CWC22: variants seen among roughly 807,000 people sequenced by gnomAD.
The protein encoded by CWC22 is pre-mRNA-splicing factor CWC22 homolog.
Under a neutral mutation model 117.2 loss-of-function variants are expected in CWC22, and 53 were observed. The ratio of observed to expected loss-of-function variants is 0.45; its 90% CI spans 0.36 to 0.57. The LOEUF (loss-of-function observed/expected upper bound fraction) is 0.57. CWC22 is among the 20% of genes least tolerant of loss of function. The probability of loss-of-function intolerance (pLI) is 0.00; values close to 1 mark genes in which losing one functional copy is unlikely to be tolerated. For missense variants in CWC22, 980 were observed against 1,068.8 expected (o/e 0.92, Z 1.16); for synonymous variants, 360 against 355.6 (o/e 1.01, Z -0.14).
At chr2:179,952,706 C>T in intron 16 of CWC22, 108 bp from the exon 17 acceptor site, 1 of 530,172 alleles carries the variant, frequency 1.9e-6, no homozygotes, top group Non-Finnish European at 3.0e-6. Flanking sequence ...TATTTATTCC[C>T]ATCTTCAACC....
At chr2:179,955,646 T>C (rs1426881653) in intron 14 of CWC22, among the ~76,000 whole-genome samples, 1 of 152,002 alleles carries the variant, frequency 6.6e-6, no homozygotes. Flanking sequence ...TACAAATAAA[T>C]GGAATCATTC....
At chr2:179,977,520 G>C (rs1385402400) in intron 6 of CWC22, among the ~76,000 whole-genome samples, 1 of 152,088 alleles carries the variant, frequency 6.6e-6, no homozygotes, top group Non-Finnish European at 1.5e-5. Context: ...AAAAAAAACT[G>C]AACTCATAGA....
chr2:179,962,927 A>G (rs1215889916), intron 13 of CWC22, among the ~76,000 whole-genome samples: 3 of 152,134 alleles, frequency 2.0e-5, no homozygotes, highest in East Asian at 1.9e-4. Context: ...TTATGTGTCA[A>G]TTATAAATAA....
intron 17 of CWC22, among the ~76,000 whole-genome samples, chr2:179,951,771 G>T (rs1377306919): frequency 2.0e-5 from 3 of 152,232 alleles, no homozygotes; most frequent in African/African-American, 7.2e-5. Context: ...ATAGTCCAGA[G>T]ACAGTGTGTG....
At chr2:179,983,944 C>T (rs758985599) in intron 4 of CWC22, among the ~76,000 whole-genome samples, 5 of 152,008 alleles carry the variant, frequency 3.3e-5, no homozygotes, top group Non-Finnish European at 5.9e-5. Flanking sequence ...AAATCAGATC[C>T]CTACCATTAT....
chr2:180,000,871 GAA>G (rs1049910293), intron 1 of CWC22, among the ~76,000 whole-genome samples: 2 of 151,462 alleles, frequency 1.3e-5, no homozygotes, highest in Non-Finnish European at 2.9e-5. Flanking sequence ...TATCTATACT[GAA>G]AACCTCACAT....
At chr2:179,948,404 A>T (rs201460181) in intron 19 of CWC22, among the ~76,000 whole-genome samples, 1 of 105,756 alleles carries the variant, frequency 9.5e-6, no homozygotes, top group African/African-American at 3.4e-5. Context: ...GTGATTTTTT[A>T]ACCATCCAAA....
intron 19 of CWC22, among the ~76,000 whole-genome samples, chr2:179,948,996 T>C (rs1287507579): frequency 1.3e-5 from 2 of 152,226 alleles, no homozygotes; most frequent in Non-Finnish European, 2.9e-5. Flanking sequence ...TTCTCTGTAC[T>C]GTTTTTGCAA....
intron 5 of CWC22, among the ~76,000 whole-genome samples, chr2:179,981,539 T>C (rs1484631336): frequency 6.6e-6 from 1 of 152,034 alleles, no homozygotes; most frequent in Non-Finnish European, 1.5e-5. Flanking sequence ...AATTCATTCA[T>C]GCAAAAAAAA....
At chr2:179,979,819 T>C (rs1260422788) in intron 5 of CWC22, among the ~76,000 whole-genome samples, 6 of 152,158 alleles carry the variant, frequency 3.9e-5, no homozygotes, top group Non-Finnish European at 7.4e-5. Flanking sequence ...AATAAGATGT[T>C]GCTCATATAC....
At chr2:179,992,528 T>G (rs1194147606) in intron 2 of CWC22, among the ~76,000 whole-genome samples, 1 of 152,172 alleles carries the variant, frequency 6.6e-6, no homozygotes, top group Non-Finnish European at 1.5e-5. Context: ...CCCCTCAATG[T>G]TGAATCCCCC....
At position 179,981,941 on chromosome 2, in the gene CWC22, G is replaced by T; in HGVS notation, c.263C>A (p.Ser88Tyr). 2.6e-6 allele frequency: 4 copies of T among 1,567,644 alleles called. No individual in the cohort carries two copies. The Middle Eastern group carries it at 6.7e-4, about 261-fold the overall frequency. Reference protein sequence around the residue: ...ERERDTDRKRSRKSPSPGRRN... With the variant: ...ERERDTDRKRYRKSPSPGRRN... ...CCTCCCAGGAGATGGGGATTTCCGA[G>T]ACCTTTTCCGATCCGTATCTCTTTC... The change falls in exon 5 of 20, where the codon TCT becomes TAT. Residue 88 changes from serine to tyrosine, a missense_variant. Ser to Tyr is a moderately radical substitution (Grantham distance 144, BLOSUM62 -2). Around this residue, in one of 3 missense-constraint regions of CWC22, gnomAD observed 559 missense variants for 602.3 expected, o/e 0.93. Transcript: ENST00000410053.
intron 19 of CWC22, among the ~76,000 whole-genome samples, chr2:179,946,132 C>T (rs988491256): frequency 2.4e-4 from 37 of 152,110 alleles, no homozygotes; most frequent in African/African-American, 8.9e-4. Context: ...ATCTGCCTGC[C>T]TCGGCCTTTT....
intron 5 of CWC22, among the ~76,000 whole-genome samples, chr2:179,979,210 C>T (rs1440881527): frequency 6.6e-6 from 1 of 152,076 alleles, no homozygotes; most frequent in Non-Finnish European, 1.5e-5. Flanking sequence ...ACTAATCATA[C>T]TAAAATTCAG....
At chr2:179,992,021 TCAGCTTAATAAG>T (rs1687581212) in intron 2 of CWC22, among the ~76,000 whole-genome samples, 1 of 152,188 alleles carries the variant, frequency 6.6e-6, no homozygotes, top group Non-Finnish European at 1.5e-5. Flanking sequence ...GTCTATCAGT[TCAGCTTAATAAG>T]CACCTACTAC....
Position 179,970,522 on chromosome 2 carries a change from T to C in CWC22, c.1189A>G (p.Lys397Glu). ...MDPNFMENEEKYKAIKKEILD... is the reference protein window; with the variant it reads ...MDPNFMENEEEYKAIKKEILD... Reference sequence around the variant, plus strand: ...ATACCTTTCTTAATAGCTTTGTACTTCTCTTCATTCTCCATAAAATTAGGA... The same window carrying C: ...ATACCTTTCTTAATAGCTTTGTACTCCTCTTCATTCTCCATAAAATTAGGA... Residue 397 changes from lysine to glutamate, a missense_variant, in exon 11 of 20, where the codon AAG (lysine) becomes GAG (glutamate). Around this residue, in one of 3 missense-constraint regions of CWC22, gnomAD observed 559 missense variants for 602.3 expected, o/e 0.93. Coordinates refer to ENST00000410053, the MANE Select transcript of CWC22 (RefSeq NM_020943.3). 3 of 1,541,438 alleles carry C rather than the reference T, an allele frequency of 1.9e-6. No individual in the cohort carries two copies. The highest frequency in any genetic ancestry group is 2.6e-6 in the Non-Finnish European group (3 of 1,138,968).
intron 19 of CWC22, among the ~76,000 whole-genome samples, chr2:179,945,972 T>A (rs1686283316): frequency 6.6e-6 from 1 of 152,162 alleles, no homozygotes; most frequent in Non-Finnish European, 1.5e-5. Flanking sequence ...AACCTCCGCC[T>A]CCTGGGTTCA....
At chr2:179,954,918 T>C (rs374720550) in intron 15 of CWC22, 39 bp downstream of exon 15, 3 of 1,139,218 alleles carry the variant, frequency 2.6e-6, no homozygotes, top group Non-Finnish European at 2.6e-6. Context: ...ATTTACAATA[T>C]TCGTTTTAAG....
chr2:179,979,783 T>C (rs1003136443), intron 5 of CWC22, among the ~76,000 whole-genome samples: 10 of 152,220 alleles, frequency 6.6e-5, no homozygotes, highest in Non-Finnish European at 1.5e-4. Flanking sequence ...AGACACAAGA[T>C]GCATGGCTTA....
Sources: gnomAD v4.1 joint callset for allele counts (sites outside exome capture counted in the v4.1 genomes callset) on GRCh38, gnomAD v4.1.1 for gene constraint, gnomAD v4.1.1 regional missense constraint, MANE v1.5 for transcripts, NCBI Gene and HGNC (gene_info 2026-07-23, HGNC 2026-07-21) for gene names.